The following PIWIL4 variants were observed in gnomAD, a reference collection of about 807,000 sequenced individuals.
The protein encoded by PIWIL4 is piwi-like protein 4.
PIWIL4 carries 50 observed loss-of-function variants against 100.9 expected under a neutral mutation model. The observed-to-expected ratio is 0.50, with a 90% CI of 0.39 to 0.63. The LOEUF (loss-of-function observed/expected upper bound fraction) is 0.63, where lower values mean the gene tolerates loss of function less well. Among genes scored for constraint, PIWIL4 ranks in the 20% least tolerant of loss-of-function variants. The pLI is 0.00. For missense variants in PIWIL4, 887 were observed against 1,043.3 expected, an observed-to-expected ratio of 0.85 and a Z score of 2.06; for synonymous variants, 342 against 367.5, an observed-to-expected ratio of 0.93 and a Z score of 0.79.
chr11:94,583,578 C>T lies in PIWIL4; in HGVS notation c.635+9C>T. On this transcript the variant is annotated intron_variant, in intron 5 of 19. Coordinates refer to ENST00000299001, the MANE Select transcript of PIWIL4 (RefSeq NM_152431.3). ...AATATCATCTTCAGAAAGTAAGGCA[C>T]TGGAAATGTGAATTTAATTTGGGCT... 1 of 1,613,762 alleles carries T rather than the reference C, an allele frequency of 6.2e-7. No homozygotes were observed. The highest frequency in any genetic ancestry group is 8.5e-7 in the Non-Finnish European group (1 of 1,179,734).
chr11:94,611,696 G>A (rs906397860), intron 15 of PIWIL4, among the ~76,000 whole-genome samples: 12 of 152,004 alleles, frequency 7.9e-5, no homozygotes, highest in African/African-American at 1.5e-4. Flanking sequence ...AACAGCTGGC[G>A]GTTTAAAAGA....
Position 94,619,841 on chromosome 11 carries a change from C to T in PIWIL4, c.2250C>T (p.Pro750=). ...AAATGAACCGCACTGTACAGAACCC[C>T]CCACTTGGCACTGTTGTGGATTCAG... ...FTEMNRTVQN[P]PLGTVVDSEA... Residue 750 remains proline (P), a synonymous_variant, in exon 18 of 20, where the codon CCC becomes CCT. Transcript: ENST00000299001. 2.5e-6 allele frequency: 4 copies of T among 1,614,198 alleles called. No individual in the cohort carries two copies. Among genetic ancestry groups the T allele is most frequent in the Non-Finnish European group, 3.4e-6 (4 of 1,180,044 alleles).
At chr11:94,620,212 C>T (rs1406494719) in intron 19 of PIWIL4, 68 bp downstream of exon 19, 6 of 1,455,756 alleles carry the variant, frequency 4.1e-6, no homozygotes, top group African/African-American at 1.4e-5. Flanking sequence ...TTATCATACA[C>T]GTCATCTTTG....
intron 11 of PIWIL4, among the ~76,000 whole-genome samples, chr11:94,599,457 G>A (rs1393690811): frequency 6.6e-6 from 1 of 152,132 alleles, no homozygotes; most frequent in East Asian, 1.9e-4. Flanking sequence ...TAGGACTCAG[G>A]GTACATTGTC....
At chr11:94,572,688 G>A (rs954711870) in intron 2 of PIWIL4, among the ~76,000 whole-genome samples, 2 of 152,182 alleles carry the variant, frequency 1.3e-5, no homozygotes, top group African/African-American at 4.8e-5. Context: ...TTTGGTTACT[G>A]TAGCCTTGTA....
intron 3 of PIWIL4, among the ~76,000 whole-genome samples, chr11:94,575,726 G>A (rs11020836): frequency 0.23 from 35,002 of 152,040 alleles, 4,375 homozygotes; most frequent in East Asian, 0.28. Context: ...GAAACAATGC[G>A]TCTCTTCCTT....
Position 94,592,790 on chromosome 11 carries a change from T to C in PIWIL4, c.1027-728T>C, listed in dbSNP as rs138269111. Among the ~76,000 whole-genome samples the C allele has an allele frequency of 3.0e-3, 460 of 152,326 alleles. 3 individuals carry two copies. Among genetic ancestry groups the C allele is most frequent in the African/African-American group, 0.011 (446 of 41,578 alleles). ...TGAGCTTTTGCCAAGGTGAGACTGC[T>C]GAAACTTAAGTTTAGGATGGTAAAG... On this transcript the variant is annotated intron_variant, in intron 8 of 19. Coordinates refer to ENST00000299001, the MANE Select transcript of PIWIL4 (RefSeq NM_152431.3).
chr11:94,569,580 G>A (rs542364745), intron 2 of PIWIL4, among the ~76,000 whole-genome samples: 2 of 152,296 alleles, frequency 1.3e-5, no homozygotes, highest in South Asian at 4.1e-4. Flanking sequence ...GTTTCTCCAT[G>A]TTGGTCAGGC....
chr11:94,583,939 G>A (rs556593990), intron 5 of PIWIL4, among the ~76,000 whole-genome samples: 11 of 152,250 alleles, frequency 7.2e-5, no homozygotes, highest in African/African-American at 2.6e-4. Flanking sequence ...TGAAGAATTT[G>A]TTTTTCTCCT....
At chr11:94,574,673 G>T (rs750635385) in intron 2 of PIWIL4, among the ~76,000 whole-genome samples, 2 of 152,074 alleles carry the variant, frequency 1.3e-5, no homozygotes, top group Non-Finnish European at 2.9e-5. Flanking sequence ...GTAGAGACAG[G>T]GTTTCAACAC....
rs60707059 is a variant in PIWIL4 at position 94,606,694 on chromosome 11, C to T, written c.1639-745C>T. The stretch of plus-strand genomic sequence containing the variant: ...CTAAAATTAGAAAAAATTAGCCGGG[C>T]GTGGTGGCAGGCGCCTGTAATCCCA... On this transcript the variant is annotated intron_variant, in intron 13 of 19. Coordinates refer to ENST00000299001, the MANE Select transcript of PIWIL4 (RefSeq NM_152431.3). Among the ~76,000 whole-genome samples the T allele has an allele frequency of 6.6e-3, 1,007 of 152,034 alleles. 15 individuals carry two copies. The highest frequency in any genetic ancestry group is 0.023 in the African/African-American group (960 of 41,454).
At chr11:94,577,553 A>G in intron 4 of PIWIL4, 61 bp downstream of exon 4, 1 of 1,268,732 alleles carries the variant, frequency 7.9e-7, no homozygotes, top group South Asian at 1.4e-5. Flanking sequence ...ATGTGTATAC[A>G]CACACACATA....
intron 17 of PIWIL4, among the ~76,000 whole-genome samples, chr11:94,619,410 G>C (rs989763416): frequency 4.6e-5 from 7 of 151,956 alleles, no homozygotes; most frequent in Admixed American, 1.3e-4. Context: ...GGGGAAAATA[G>C]GTTGAGTCAC....
chr11:94,605,500 T>C (rs868337906), intron 13 of PIWIL4, among the ~76,000 whole-genome samples: 2 of 152,224 alleles, frequency 1.3e-5, no homozygotes, highest in Non-Finnish European at 1.5e-5. Context: ...TGGTGACATC[T>C]GCCCGATTTC....
Position 94,616,403 on chromosome 11 carries a change from TA to T in PIWIL4, c.1944-88del, listed in dbSNP as rs1201016064. On this transcript the variant is annotated intron_variant, in intron 15 of 19. Transcript: ENST00000299001. ...AATTGCGAACATTGATTTTTACTCA[TA>T]ATCTCTGTTTCTTAATTTAATATTA... 1.8e-5 allele frequency: 20 copies of T among 1,137,516 alleles called. No individual in the cohort carries two copies. The African/African-American group carries it at 3.0e-4, about 17-fold the overall frequency. 70.5% of individuals were successfully genotyped at this position (1,137,516 alleles called of 1,614,324 possible).
intron 9 of PIWIL4, among the ~76,000 whole-genome samples, chr11:94,594,101 CT>C (rs1417245460): frequency 6.6e-6 from 1 of 152,130 alleles, no homozygotes; most frequent in African/African-American, 2.4e-5. Flanking sequence ...GAAGTGAAGA[CT>C]TTCTACGTTT....
chr11:94,618,136 C>A (rs745796828), intron 17 of PIWIL4, 29 bp downstream of exon 17: 9 of 1,525,620 alleles, frequency 5.9e-6, no homozygotes, highest in Non-Finnish European at 7.9e-6. Context: ...TTCCTCCATA[C>A]TCCCAATTAT....
intron 6 of PIWIL4, among the ~76,000 whole-genome samples, 183 bp from the exon 7 acceptor site, chr11:94,586,867 T>C (rs921900681): frequency 5.3e-5 from 8 of 152,200 alleles, no homozygotes; most frequent in Admixed American, 3.9e-4. Flanking sequence ...CCTAAATGTA[T>C]GCTTAAAGAC....
At chr11:94,602,109 C>G in intron 12 of PIWIL4, 130 bp downstream of exon 12, 1 of 765,532 alleles carries the variant, frequency 1.3e-6, no homozygotes, top group Non-Finnish European at 2.0e-6. Flanking sequence ...AGAAAGTAGT[C>G]ATAAGTAGAT....
Sources: allele counts gnomAD v4.1 joint callset (sites outside exome capture counted in the v4.1 genomes callset), GRCh38; gene constraint gnomAD v4.1.1; transcripts MANE v1.5; gene names NCBI Gene and HGNC (gene_info 2026-07-23, HGNC 2026-07-21).